Variants in SLIT3 observed in about 807,000 individuals in gnomAD.
The protein encoded by SLIT3 is slit homolog 3 protein.
In SLIT3, 68 loss-of-function variants were observed where a neutral mutation model predicts 184.0. The ratio of observed to expected loss-of-function variants is 0.37; its 90% confidence interval spans 0.30 to 0.45. The LOEUF is 0.45. Ranked by LOEUF, SLIT3 falls within the 20% of genes least tolerant of loss-of-function variation. The pLI is 1.00. For missense variants in SLIT3, 1,707 were observed against 2,026.0 expected (o/e 0.84, Z 3.02); for synonymous variants, 831 against 828.6 (o/e 1.00, Z -0.05).
chr5:169,022,010 G>A (rs146160149), intron 4 of SLIT3: 1 of 152,246 alleles, frequency 6.6e-6, no homozygotes, highest in East Asian at 1.9e-4. Flanking sequence ...TAAACCCTAA[G>A]TGTGCTCAGA....
intron 4 of SLIT3, among the ~76,000 whole-genome samples, chr5:169,076,457 A>G (rs1448803291): frequency 6.6e-6 from 1 of 152,098 alleles, no homozygotes; most frequent in East Asian, 1.9e-4. Context: ...CCTTTCTTCC[A>G]CTATCTTTGC....
rs1489269160 is a variant in SLIT3 at position 168,817,409 on chromosome 5, A to G, written c.684T>C (p.Asp228=). Reference sequence around the variant, plus strand: ...CAACTGTCCGTCGCTGTCGCAGCCAATCCGAGAGCCAGGCCAGGTGGCAGT... The same window carrying G: ...CAACTGTCCGTCGCTGTCGCAGCCAGTCCGAGAGCCAGGCCAGGTGGCAGT... ...YCDCHLAWLS[D]WLRQRRTVGQ... is the part of the protein sequence containing the mutation. Residue 228 remains aspartate (D), a synonymous_variant, in exon 8 of 36, where the codon GAT becomes GAC. Coordinates refer to ENST00000519560, the MANE Select transcript of SLIT3 (RefSeq NM_003062.4). The G allele has an allele frequency of 1.9e-6, 3 of 1,614,050 alleles. No homozygotes were observed. In the East Asian group the frequency reaches 6.7e-5, roughly 36 times the overall value.
At chr5:168,773,704 T>C (rs938135706) in intron 13 of SLIT3, among the ~76,000 whole-genome samples, 4 of 152,130 alleles carry the variant, frequency 2.6e-5, no homozygotes, top group Non-Finnish European at 5.9e-5. Context: ...TATTTATGAA[T>C]ACCTGTAGTG....
intron 4 of SLIT3, among the ~76,000 whole-genome samples, chr5:168,903,042 T>C (rs908607399): frequency 1.3e-5 from 2 of 152,208 alleles, no homozygotes; most frequent in Non-Finnish European, 2.9e-5. Flanking sequence ...TGACTGTTGA[T>C]GAGAATCTCT....
chr5:168,900,301 GA>G (rs1361243293), intron 4 of SLIT3, among the ~76,000 whole-genome samples: 1 of 152,026 alleles, frequency 6.6e-6, no homozygotes, highest in Non-Finnish European at 1.5e-5. Context: ...CTACCCAAAA[GA>G]AAAGAAATTA....
chr5:169,148,393 C>T (rs1053666750), intron 4 of SLIT3, among the ~76,000 whole-genome samples: 3 of 152,166 alleles, frequency 2.0e-5, no homozygotes, highest in African/African-American at 7.2e-5. Flanking sequence ...AACGTCCACA[C>T]GGGCAGAAAA....
At chr5:169,156,968 T>A (rs1204983697) in intron 4 of SLIT3, among the ~76,000 whole-genome samples, 1 of 152,062 alleles carries the variant, frequency 6.6e-6, no homozygotes, top group African/African-American at 2.4e-5. Flanking sequence ...CCTGGCAGCT[T>A]AGTAAACAGA....
In SLIT3 at chr5:169,170,110, A is replaced by G. The variant is rs60031271; in HGVS notation, c.413+23369T>C. ...GAGGGATGTGGCCTTGCTGGATGGG[A>G]GGTAACAAATGTGCTATGAAGATCA... On this transcript the variant is annotated intron_variant, in intron 4 of 35. Transcript: ENST00000519560. Among the ~76,000 whole-genome samples, 901 of 152,236 alleles carry G rather than the reference A, an allele frequency of 5.9e-3. 24 individuals carry two copies. Among genetic ancestry groups the G allele is most frequent in the East Asian group, 0.024 (124 of 5,138 alleles).
chr5:168,916,505 C>G (rs1581208078), intron 4 of SLIT3, among the ~76,000 whole-genome samples: 1 of 152,192 alleles, frequency 6.6e-6, no homozygotes, highest in African/African-American at 2.4e-5. Context: ...TGGACTCAGC[C>G]CGGATGCATC....
chr5:169,167,210 G>A (rs908847011), intron 4 of SLIT3, among the ~76,000 whole-genome samples: 4 of 148,656 alleles, frequency 2.7e-5, no homozygotes, highest in African/African-American at 9.9e-5. Flanking sequence ...AAAAAAAACC[G>A]ATGATATTGA....
intron 3 of SLIT3, among the ~76,000 whole-genome samples, chr5:169,215,198 C>T (rs558728935): frequency 6.6e-6 from 1 of 152,154 alleles, no homozygotes; most frequent in Non-Finnish European, 1.5e-5. Flanking sequence ...CCAGCCATGA[C>T]GAACTTCCTT....
chr5:169,019,234 G>T (rs1422075884), intron 4 of SLIT3, among the ~76,000 whole-genome samples: 1 of 152,208 alleles, frequency 6.6e-6, no homozygotes, highest in Admixed American at 6.5e-5. Context: ...AGACCTGGGG[G>T]TCGACCTTTG....
chr5:168,929,297 A>G lies in SLIT3; in HGVS notation c.414-45961T>C, dbSNP rs190595925. Among the ~76,000 whole-genome samples, 5 of 152,378 alleles carry G rather than the reference A, an allele frequency of 3.3e-5. 1 individual carries two copies. The East Asian group carries it at 9.6e-4, about 29-fold the overall frequency. On this transcript the variant is annotated intron_variant, in intron 4 of 35. Coordinates refer to ENST00000519560, the MANE Select transcript of SLIT3 (RefSeq NM_003062.4). ...AAGAACAGTTATTATTGTTGCTGTTATAATGGAGATAGCTAACATTTACTG... is the reference window on the plus strand; with the variant it reads ...AAGAACAGTTATTATTGTTGCTGTTGTAATGGAGATAGCTAACATTTACTG...
intron 4 of SLIT3, among the ~76,000 whole-genome samples, chr5:168,967,437 C>CCTTTT (rs1763237303): frequency 3.1e-5 from 1 of 32,732 alleles, no homozygotes; most frequent in African/African-American, 1.1e-4. Flanking sequence ...CATCTCAAAT[C>CCTTTT]TTTTTTTTTT....
chr5:168,713,175 C>G (rs976657936), intron 23 of SLIT3, among the ~76,000 whole-genome samples: 2 of 152,236 alleles, frequency 1.3e-5, no homozygotes, highest in Non-Finnish European at 2.9e-5. Context: ...CAGCCACACA[C>G]ATACACGAGT....
chr5:169,176,914 C>T (rs1220658877), intron 4 of SLIT3, among the ~76,000 whole-genome samples: 1 of 152,162 alleles, frequency 6.6e-6, no homozygotes, highest in Non-Finnish European at 1.5e-5. Context: ...AAATCCACCT[C>T]GAGGGCTCCA....
intron 4 of SLIT3, among the ~76,000 whole-genome samples, chr5:168,961,362 A>G (rs1250595363): frequency 6.6e-6 from 1 of 152,256 alleles, no homozygotes; most frequent in Non-Finnish European, 1.5e-5. Flanking sequence ...TAACAAAATG[A>G]AAATAAAATT....
chr5:168,891,288 G>C (rs1010799844), intron 4 of SLIT3, among the ~76,000 whole-genome samples: 1 of 152,210 alleles, frequency 6.6e-6, no homozygotes, highest in African/African-American at 2.4e-5. Flanking sequence ...GAAGGCTGAA[G>C]TGGGGAGAAT....
At chr5:169,027,356 T>C (rs1166009806) in intron 4 of SLIT3, among the ~76,000 whole-genome samples, 1 of 152,208 alleles carries the variant, frequency 6.6e-6, no homozygotes, top group African/African-American at 2.4e-5. Context: ...CTCATAGTCA[T>C]GTCCCTTTTG....
Sources: allele counts gnomAD v4.1 joint callset (sites outside exome capture counted in the v4.1 genomes callset), GRCh38; gene constraint gnomAD v4.1.1; transcripts MANE v1.5; gene names NCBI Gene and HGNC (gene_info 2026-07-23, HGNC 2026-07-21).